The following ANKRD12 variants were observed in gnomAD, a reference collection of about 807,000 sequenced individuals.
ANKRD12 encodes ankyrin repeat domain 12.
Under a neutral mutation model 183.4 loss-of-function variants are expected in ANKRD12, and 85 were observed. That is an observed-to-expected ratio of 0.46 (90% CI 0.39 to 0.56). The LOEUF is 0.56. Ranked by LOEUF, ANKRD12 falls within the 20% of genes least tolerant of loss-of-function variation. The pLI is 0.00. For synonymous variants in ANKRD12, 914 were observed against 800.2 expected, an observed-to-expected ratio of 1.14 and a Z score of -2.40; for missense variants, 2,405 against 2,357.1, an observed-to-expected ratio of 1.02 and a Z score of -0.42.
At chr18:9,237,259 GA>G (rs1331347210) in intron 8 of ANKRD12, among the ~76,000 whole-genome samples, 1 of 152,148 alleles carries the variant, frequency 6.6e-6, no homozygotes, top group Non-Finnish European at 1.5e-5. Flanking sequence ...ATATGAACAA[GA>G]TCTTCAAAAT....
rs188693581 is a variant in ANKRD12, at chr18:9,237,581, C to T, written c.943+15582C>T. Among the ~76,000 whole-genome samples the T allele has an allele frequency of 1.1e-3, 168 of 152,102 alleles. 1 individual carries two copies. The highest frequency in any genetic ancestry group is 3.8e-3 in the African/African-American group (158 of 41,482). ...CATGGAAAAGCATGTCAGTGCTGTG[C>T]CTGGAGTTGTAGGGTTACTTGAAGA... is the stretch of plus-strand genomic sequence containing the variant. On this transcript the variant is annotated intron_variant, in intron 8 of 12. Transcript: ENST00000262126.
chr18:9,145,743 A>G (rs2078472007), intron 1 of ANKRD12, among the ~76,000 whole-genome samples: 2 of 152,244 alleles, frequency 1.3e-5, no homozygotes, highest in Admixed American at 6.5e-5. Flanking sequence ...CTTAATAAAA[A>G]TTAATTTCCA....
At chr18:9,225,774 T>TA (rs1370922164) in intron 8 of ANKRD12, among the ~76,000 whole-genome samples, 1 of 152,202 alleles carries the variant, frequency 6.6e-6, no homozygotes, top group African/African-American at 2.4e-5. Context: ...CATAACCACT[T>TA]ACAGTACTTT....
At position 9,263,706 on chromosome 18, in the gene ANKRD12, A is replaced by G. The variant is rs2039117956; in HGVS notation, c.5665-84A>G. 23 of 1,035,306 alleles carry G rather than the reference A, an allele frequency of 2.2e-5. No individual in the cohort carries two copies. The East Asian group carries it at 7.1e-4, about 32-fold the overall frequency. 64.1% of individuals were successfully genotyped at this position (1,035,306 alleles called of 1,614,324 possible). A position where few individuals can be genotyped will look rare whatever the true frequency, so the allele number is the denominator to read the frequency against. ...GACATCAGAATTTGTTTTTTTATGC[A>G]CTAAAAGGGTTTAATTTTAAAAGAA... On this transcript the variant is annotated intron_variant, in intron 9 of 12. Coordinates refer to ENST00000262126, the MANE Select transcript of ANKRD12 (RefSeq NM_015208.5).
chr18:9,270,405 C>G lies in ANKRD12; in HGVS notation c.5764-5119C>G, dbSNP rs376070876. Among the ~76,000 whole-genome samples, 119 of 152,300 alleles carry G rather than the reference C, an allele frequency of 7.8e-4. 1 individual carries two copies. The highest frequency in any genetic ancestry group is 2.8e-3 in the African/African-American group (117 of 41,556). On this transcript the variant is annotated intron_variant, in intron 10 of 12. Transcript: ENST00000262126. Reference sequence around the variant, plus strand: ...TAGACTGGATTAAGAAAATGTGGCACATATACACCGTGCAATACTATGCAG... The same window carrying G: ...TAGACTGGATTAAGAAAATGTGGCAGATATACACCGTGCAATACTATGCAG...
At position 9,280,967 on chromosome 18, in the gene ANKRD12, T is replaced by C. The variant is rs139807587; in HGVS notation, c.6030T>C (p.His2010=). The change falls in exon 13 of 13, where the codon CAT becomes CAC. Residue 2010 remains histidine (H), a synonymous_variant. Transcript: ENST00000262126. ...LKTCLLMRQQ[H]EAAALNAVQR... is the part of the protein sequence containing the mutation. ...CCTGTCTTTTAATGAGGCAACAACATGAAGCTGCGGCTTTAAATGCTGTCC... is the reference window on the plus strand; with the variant it reads ...CCTGTCTTTTAATGAGGCAACAACACGAAGCTGCGGCTTTAAATGCTGTCC... 14 of 1,613,394 alleles carry C rather than the reference T, an allele frequency of 8.7e-6. No homozygotes were observed. Among genetic ancestry groups the C allele is most frequent in the African/African-American group, 2.7e-5 (2 of 74,870 alleles).
At position 9,275,317 on chromosome 18, in the gene ANKRD12, T is replaced by TA. The variant is rs398120164; in HGVS notation, c.5764-207_5764-206insA. ...TTGTCTCTAAAAATATATATATATA[T>TA]TTTTAATTAGCTGTGCTTCATGGCA... On this transcript the variant is annotated intron_variant, in intron 10 of 12. Coordinates refer to ENST00000262126, the MANE Select transcript of ANKRD12 (RefSeq NM_015208.5). Among the ~76,000 whole-genome samples, 85 of 150,406 alleles carry TA rather than the reference T, an allele frequency of 5.7e-4. 2 individuals carry two copies. The highest frequency in any genetic ancestry group is 2.7e-4 in the Non-Finnish European group (18 of 67,228).
rs562369252 is a variant in ANKRD12 at position 9,148,477 on chromosome 18, A to C, written c.-52+11512A>C. ...CATGTTGTCAAAAACATCTCTTTAAAGTCTTGTAAATATTTAATGAAGTAA... is the reference window on the plus strand; with the variant it reads ...CATGTTGTCAAAAACATCTCTTTAACGTCTTGTAAATATTTAATGAAGTAA... On this transcript the variant is annotated intron_variant, in intron 1 of 12. Transcript: ENST00000262126. Among the ~76,000 whole-genome samples, 5 of 152,340 alleles carry C rather than the reference A, an allele frequency of 3.3e-5. No individual in the cohort carries two copies. The East Asian group carries it at 9.6e-4, about 29-fold the overall frequency.
chr18:9,207,329 AGTT>A (rs2144586535), intron 4 of ANKRD12, among the ~76,000 whole-genome samples: 1 of 152,238 alleles, frequency 6.6e-6, no homozygotes, highest in African/African-American at 2.4e-5. Flanking sequence ...AAAAAAATAA[AGTT>A]GATTTAAATA....
In ANKRD12 at chr18:9,254,526, G is replaced by A. The variant is rs1343943028; in HGVS notation, c.1259G>A (p.Arg420Lys). ...SFKSKKQKPS[R>K]VLYSSTESSD... is the part of the protein sequence containing the mutation. ...AAAAGTAAAAAACAAAAGCCATCTA[G>A]GGTCTTATATTCAAGTACTGAAAGT... The change falls in exon 9 of 13, where the codon AGG becomes AAG. Residue 420 changes from arginine to lysine, a missense_variant. Physicochemically the swap from Arg to Lys is conservative, Grantham distance 26 (BLOSUM62 2). Around this residue, in one of 7 missense-constraint regions of ANKRD12, gnomAD observed 1,983 missense variants for 1,725.9 expected, o/e 1.15. Coordinates refer to ENST00000262126, the MANE Select transcript of ANKRD12 (RefSeq NM_015208.5). The A allele has an allele frequency of 6.5e-7, 1 of 1,549,296 alleles. No individual in the cohort carries two copies. Among genetic ancestry groups the A allele is most frequent in the African/African-American group, 1.4e-5 (1 of 71,706 alleles).
chr18:9,263,715 G>GT (rs1044640888), intron 9 of ANKRD12, 75 bp from the exon 10 acceptor site: 1 of 1,150,342 alleles, frequency 8.7e-7, no homozygotes, highest in Non-Finnish European at 1.2e-6. Flanking sequence ...CACTAAAAGG[G>GT]TTTAATTTTA....
chr18:9,176,094 G>A (rs976782153), intron 1 of ANKRD12, among the ~76,000 whole-genome samples: 1 of 152,242 alleles, frequency 6.6e-6, no homozygotes, highest in Non-Finnish European at 1.5e-5. Context: ...TTTTGATTCT[G>A]CTGGTCTTGT....
chr18:9,248,347 C>G (rs1244538457), intron 8 of ANKRD12, among the ~76,000 whole-genome samples: 1 of 152,154 alleles, frequency 6.6e-6, no homozygotes, highest in Non-Finnish European at 1.5e-5. Context: ...TTATTAAAAT[C>G]ATTTACATAA....
At chr18:9,274,439 C>A (rs192059102) in intron 10 of ANKRD12, among the ~76,000 whole-genome samples, 1 of 152,270 alleles carries the variant, frequency 6.6e-6, no homozygotes, top group East Asian at 1.9e-4. Flanking sequence ...AAGCCAATCA[C>A]CAAAGACCAC....
At chr18:9,184,190 TAAAG>T (rs2033889939) in intron 2 of ANKRD12, among the ~76,000 whole-genome samples, 1 of 152,348 alleles carries the variant, frequency 6.6e-6, no homozygotes, top group Non-Finnish European at 1.5e-5. Flanking sequence ...TGTTATCTTT[TAAAG>T]AAATAAGAGA....
intron 8 of ANKRD12, among the ~76,000 whole-genome samples, chr18:9,243,511 T>C (rs573962985): frequency 5.9e-5 from 9 of 152,242 alleles, no homozygotes; most frequent in Non-Finnish European, 1.0e-4. Context: ...ACATAAATAA[T>C]GTAGGAAGCA....
intron 2 of ANKRD12, among the ~76,000 whole-genome samples, chr18:9,184,418 T>G (rs995158156): frequency 9.9e-5 from 15 of 151,940 alleles, no homozygotes; most frequent in African/African-American, 3.4e-4. Flanking sequence ...TGAGACAGAA[T>G]TTTGCTCTCT....
chr18:9,211,894 A>C (rs1567921390), intron 6 of ANKRD12, 110 bp downstream of exon 6: 1 of 945,644 alleles, frequency 1.1e-6, no homozygotes, highest in Admixed American at 2.8e-5. Context: ...AAAGAGTTCT[A>C]AAAATACTCT....
Position 9,195,635 on chromosome 18 carries a change from A to G in ANKRD12, c.172A>G (p.Met58Val). The change falls in exon 3 of 13, where the codon ATG becomes GTG. Residue 58 changes from methionine (M) to valine (V), a missense_variant. Physicochemically the swap from Met to Val is conservative, Grantham distance 21. Around this residue, in one of 7 missense-constraint regions of ANKRD12, gnomAD observed 145 missense variants for 145.6 expected, o/e 1.00. Coordinates refer to ENST00000262126, the MANE Select transcript of ANKRD12 (RefSeq NM_015208.5). The part of the protein sequence containing the change: ...VSKEMKEKSS[M>V]KRKLPFTISP... ...CAAGGAGATGAAAGAGAAATCATCC[A>G]TGAAACGTAAACTTCCTTTTACTAT... 1 of 1,613,306 alleles carries G rather than the reference A, an allele frequency of 6.2e-7. No homozygotes were observed. Among genetic ancestry groups the G allele is most frequent in the Non-Finnish European group, 8.5e-7 (1 of 1,179,586 alleles).
Sources: gnomAD v4.1 joint callset for allele counts (sites outside exome capture counted in the v4.1 genomes callset) on GRCh38, gnomAD v4.1.1 for gene constraint, gnomAD v4.1.1 regional missense constraint, MANE v1.5 for transcripts, NCBI Gene and HGNC (gene_info 2026-07-23, HGNC 2026-07-21) for gene names.